Variants in BNC1 observed in about 807,000 individuals in gnomAD.
BNC1 encodes the protein basonuclin zinc finger protein 1.
BNC1 carries 8 observed loss-of-function variants against 66.5 expected under a neutral mutation model. That is an observed-to-expected ratio of 0.12 (90% CI 0.07 to 0.22). The LOEUF is 0.22. Among genes scored for constraint, BNC1 ranks in the 10% least tolerant of loss-of-function variants. The probability of loss-of-function intolerance (pLI) is 1.00; values close to 1 mark genes in which losing one functional copy is unlikely to be tolerated. For missense variants in BNC1, 1,069 were observed against 1,241.3 expected (o/e 0.86, Z 2.09); for synonymous variants, 454 against 452.6 (o/e 1.00, Z -0.04).
Position 83,263,387 on chromosome 15 carries a change from T to C in BNC1, c.1864A>G (p.Ser622Gly). Residue 622 changes from serine to glycine, a missense_variant, in exon 4 of 5, where the codon AGC becomes GGC. Physicochemically the swap from Ser to Gly is moderately conservative, Grantham distance 56. Coordinates refer to ENST00000345382, the MANE Select transcript of BNC1 (RefSeq NM_001717.4). ...TGTGTGGCCTGCTCAGGGGTTTGGC[T>C]GATGGCTCCACTGGACTCAATTACT... ...ESVIESSGAI[S>G]QTPEQATHNS... The C allele has an allele frequency of 1.2e-6, 2 of 1,614,226 alleles. No individual in the cohort carries two copies. The highest frequency in any genetic ancestry group is 1.7e-6 in the Non-Finnish European group (2 of 1,180,042).
At chr15:83,272,408 T>TTTTC (rs2038278128) in intron 1 of BNC1, among the ~76,000 whole-genome samples, 1 of 151,058 alleles carries the variant, frequency 6.6e-6, no homozygotes, top group African/African-American at 2.4e-5. Flanking sequence ...TTTTTTTTTT[T>TTTTC]TGTATTTTTA....
chr15:83,271,471 G>T (rs1374197975), intron 1 of BNC1, among the ~76,000 whole-genome samples: 1 of 152,156 alleles, frequency 6.6e-6, no homozygotes, highest in Non-Finnish European at 1.5e-5. Flanking sequence ...CAGGAAATGT[G>T]GGAGAAAAGG....
chr15:83,264,996 A>G (rs1291559259), intron 3 of BNC1, among the ~76,000 whole-genome samples, 181 bp from the exon 4 acceptor site: 5 of 152,178 alleles, frequency 3.3e-5, no homozygotes, highest in Non-Finnish European at 5.9e-5. Context: ...TTTGTGCAGA[A>G]CATAAGCTGC....
intron 1 of BNC1, among the ~76,000 whole-genome samples, chr15:83,278,159 T>C (rs527544267): frequency 4.6e-5 from 7 of 152,352 alleles, no homozygotes; most frequent in African/African-American, 1.7e-4. Flanking sequence ...TGTCGGACTT[T>C]AGCTGACCTT....
chr15:83,283,546 C>A, intron 1 of BNC1: 3 of 981,116 alleles, frequency 3.1e-6, no homozygotes, highest in Non-Finnish European at 3.6e-6. Flanking sequence ...AGTCGGGGGC[C>A]GGGGGCTTCC....
In BNC1 at chr15:83,257,832, C is replaced by G. The variant is rs2038095253; in HGVS notation, c.2595G>C (p.Lys865Asn). The G allele has an allele frequency of 9.3e-6, 15 of 1,614,060 alleles. No individual in the cohort carries two copies. Among genetic ancestry groups the G allele is most frequent in the Non-Finnish European group, 1.2e-5 (14 of 1,180,048 alleles). The change falls in exon 5 of 5, where the codon AAG becomes AAC. Residue 865 changes from lysine (K) to asparagine (N), a missense_variant. Around this residue, in one of 7 missense-constraint regions of BNC1, gnomAD observed 657 missense variants for 715.8 expected, o/e 0.92. Coordinates refer to ENST00000345382, the MANE Select transcript of BNC1 (RefSeq NM_001717.4). Reference sequence around the variant, plus strand: ...AGGAAGAATGGCTGCTACTCTCTGACTTCATGCTCGAGGTAGTGCTCAAAT... The same window carrying G: ...AGGAAGAATGGCTGCTACTCTCTGAGTTCATGCTCGAGGTAGTGCTCAAAT... ...ILDLSTTSSM[K>N]SESSSHSSWD...
chr15:83,263,356 G>A lies in BNC1; in HGVS notation c.1895C>T (p.Ser632Leu). 1 of 1,614,176 alleles carries A rather than the reference G, an allele frequency of 6.2e-7. No homozygotes were observed. Among genetic ancestry groups the A allele is most frequent in the Non-Finnish European group, 8.5e-7 (1 of 1,180,034 alleles). The part of the protein sequence containing the change: ...SQTPEQATHN[S>L]ERETEQTPAL... ...TGGTGTCTGCTCAGTCTCCCTCTCTGAATTGTGTGTGGCCTGCTCAGGGGT... is the reference window on the plus strand; with the variant it reads ...TGGTGTCTGCTCAGTCTCCCTCTCTAAATTGTGTGTGGCCTGCTCAGGGGT... Residue 632 changes from serine to leucine, a missense_variant, in exon 4 of 5, where the codon TCA (serine) becomes TTA (leucine). Transcript: ENST00000345382.
At chr15:83,283,939 G>T (rs892091255) in intron 1 of BNC1, among the ~76,000 whole-genome samples, 1 of 152,038 alleles carries the variant, frequency 6.6e-6, no homozygotes, top group African/African-American at 2.4e-5. Flanking sequence ...CAAAAGATTT[G>T]TCCCGCAGTG....
At chr15:83,266,719 TA>T (rs1483789115) in intron 3 of BNC1, 116 bp downstream of exon 3, 12 of 915,166 alleles carry the variant, frequency 1.3e-5, no homozygotes, top group Non-Finnish European at 1.8e-5. Context: ...AAAGAAGTAT[TA>T]AAGGGAAAGA....
rs748195488 is a variant in BNC1 at position 83,276,948 on chromosome 15, G to A, written c.99+7582C>T. Reference sequence around the variant, plus strand: ...TTTAGAGTCTGTGGTCCTCTCTTACGTGTGAGATTCTAAGGCTATGCCAGA... The same window carrying A: ...TTTAGAGTCTGTGGTCCTCTCTTACATGTGAGATTCTAAGGCTATGCCAGA... On this transcript the variant is annotated intron_variant, in intron 1 of 4. Transcript: ENST00000345382. 1.5e-4 allele frequency among the ~76,000 whole-genome samples: 23 copies of A among 152,154 alleles called. 1 individual carries two copies. Among genetic ancestry groups the A allele is most frequent in the Non-Finnish European group, 4.4e-5 (3 of 68,042 alleles).
chr15:83,258,366 T>G (rs184685903), intron 4 of BNC1, among the ~76,000 whole-genome samples: 165 of 152,358 alleles, frequency 1.1e-3, no homozygotes, highest in African/African-American at 3.8e-3. Context: ...TGAGAATATG[T>G]AGTCTTCTTT....
chr15:83,284,333 A>AC lies in BNC1; in HGVS notation c.99+196dup, dbSNP rs1041199308. 7.0e-4 allele frequency among the ~76,000 whole-genome samples: 106 copies of AC among 150,494 alleles called. 1 individual carries two copies. Among genetic ancestry groups the AC allele is most frequent in the African/African-American group, 2.4e-3 (99 of 41,142 alleles). On this transcript the variant is annotated intron_variant, in intron 1 of 4. Coordinates refer to ENST00000345382, the MANE Select transcript of BNC1 (RefSeq NM_001717.4). ...GGCAGGGACGGGTCCCAGAGCCCCAACCCCCCCGCCGCCGCCTCCCGGCCG... is the reference window on the plus strand; with the variant it reads ...GGCAGGGACGGGTCCCAGAGCCCCAACCCCCCCCGCCGCCGCCTCCCGGCCG...
Position 83,257,532 on chromosome 15 carries a change from G to C in BNC1, c.2895C>G (p.Thr965=), listed in dbSNP as rs1341236114. The part of the protein sequence containing the change: ...LHKCKVPGCN[T]MFSSVRSRNR... ...TTCGACTGCGAACAGACGAAAACAT[G>C]GTGTTGCAGCCTGGTACTTTGCATT... is the stretch of plus-strand genomic sequence containing the variant. Residue 965 remains threonine (T), a synonymous_variant, in exon 5 of 5, where the codon ACC becomes ACG. Transcript: ENST00000345382. 6.2e-7 allele frequency: 1 copy of C among 1,614,168 alleles called. No homozygotes were observed.
chr15:83,259,632 C>T (rs1163424332), intron 4 of BNC1, among the ~76,000 whole-genome samples: 1 of 152,088 alleles, frequency 6.6e-6, no homozygotes, highest in Admixed American at 6.6e-5. Context: ...ACTGGGTGGA[C>T]GTACAGGTTC....
intron 1 of BNC1, among the ~76,000 whole-genome samples, chr15:83,278,056 C>T (rs1330622482): frequency 6.6e-6 from 1 of 152,034 alleles, no homozygotes; most frequent in Admixed American, 6.5e-5. Flanking sequence ...ATAGTATCAC[C>T]CTTTGCCAAA....
chr15:83,269,612 A>C (rs966405516), intron 1 of BNC1, among the ~76,000 whole-genome samples: 10 of 152,304 alleles, frequency 6.6e-5, no homozygotes, highest in Middle Eastern at 6.8e-3. Context: ...TCCACTTAAA[A>C]ATTGGTTGCT....
Position 83,264,612 on chromosome 15 carries a change from G to C in BNC1, c.639C>G (p.His213Gln), listed in dbSNP as rs1234091322. 8.7e-6 allele frequency: 14 copies of C among 1,614,068 alleles called. No individual in the cohort carries two copies. The highest frequency in any genetic ancestry group is 1.2e-5 in the Non-Finnish European group (14 of 1,180,034). Reference sequence around the variant, plus strand: ...CAGGAGTGGGGAGGCTAGAACTCCTGTGACTGCAGCTCTCGATGAAAGCCC... The same window carrying C: ...CAGGAGTGGGGAGGCTAGAACTCCTCTGACTGCAGCTCTCGATGAAAGCCC... ...DIRAFIESCS[H>Q]RSSSLPTPVD... Residue 213 changes from histidine to glutamine, a missense_variant, in exon 4 of 5, where the codon CAC becomes CAG. Physicochemically the swap from His to Gln is conservative, Grantham distance 24. Around this residue, in one of 7 missense-constraint regions of BNC1, gnomAD observed 181 missense variants for 181.5 expected, o/e 1.00. Coordinates refer to ENST00000345382, the MANE Select transcript of BNC1 (RefSeq NM_001717.4).
chr15:83,269,428 C>CAT (rs140359859), intron 1 of BNC1, among the ~76,000 whole-genome samples: 5 of 150,256 alleles, frequency 3.3e-5, no homozygotes, highest in African/African-American at 1.2e-4. Context: ...CTGGGAAGTG[C>CAT]GTGTGTGTGT....
intron 1 of BNC1, among the ~76,000 whole-genome samples, chr15:83,270,732 C>T (rs1044841717): frequency 1.3e-5 from 2 of 152,128 alleles, no homozygotes; most frequent in Non-Finnish European, 2.9e-5. Flanking sequence ...TTTAGATATA[C>T]GTGCATTACC....
Sources: gnomAD v4.1 joint callset for allele counts (sites outside exome capture counted in the v4.1 genomes callset) on GRCh38, gnomAD v4.1.1 for gene constraint, gnomAD v4.1.1 regional missense constraint, MANE v1.5 for transcripts, NCBI Gene and HGNC (gene_info 2026-07-23, HGNC 2026-07-21) for gene names.